STK32B: variants seen among roughly 807,000 people sequenced by gnomAD.
STK32B encodes the protein serine/threonine-protein kinase 32B.
STK32B carries 43 observed loss-of-function variants against 52.6 expected under a neutral mutation model. That is an observed-to-expected ratio of 0.82 (90% confidence interval 0.64 to 1.05). STK32B has a LOEUF of 1.05. Ranked by LOEUF, STK32B falls within the 50% of genes least tolerant of loss-of-function variation. The probability of loss-of-function intolerance (pLI) is 0.00; values close to 1 mark genes in which losing one functional copy is unlikely to be tolerated. For synonymous variants in STK32B, 238 were observed against 204.3 expected, an observed-to-expected ratio of 1.17 and a Z score of -1.41; for missense variants, 621 against 534.6, an observed-to-expected ratio of 1.16 and a Z score of -1.59.
At chr4:5,277,678 C>T (rs1727917899) in intron 3 of STK32B, among the ~76,000 whole-genome samples, 1 of 152,202 alleles carries the variant, frequency 6.6e-6, no homozygotes, top group Non-Finnish European at 1.5e-5. Flanking sequence ...TCATTTATAG[C>T]TGTGCAGTTC....
chr4:5,313,350 A>AT (rs927002920), intron 3 of STK32B, among the ~76,000 whole-genome samples: 1 of 152,058 alleles, frequency 6.6e-6, no homozygotes, highest in African/African-American at 2.4e-5. Flanking sequence ...AACATTCATG[A>AT]TAAAAACTCT....
intron 3 of STK32B, among the ~76,000 whole-genome samples, chr4:5,187,329 A>T (rs559220255): frequency 4.3e-4 from 66 of 152,276 alleles, no homozygotes; most frequent in African/African-American, 1.6e-3. Context: ...TAGTAAATTT[A>T]TCCCACACCT....
At chr4:5,345,369 T>C (rs1733384755) in intron 4 of STK32B, 1 of 152,032 alleles carries the variant, frequency 6.6e-6, no homozygotes, top group Non-Finnish European at 1.5e-5. Context: ...ACTCTGTCTT[T>C]AAATTCCTCG....
intron 2 of STK32B, among the ~76,000 whole-genome samples, chr4:5,158,457 C>A (rs1175892677): frequency 6.6e-6 from 1 of 152,172 alleles, no homozygotes; most frequent in Non-Finnish European, 1.5e-5. Flanking sequence ...GAGCTCCCCA[C>A]CCCGAAGGCA....
chr4:5,130,931 CA>C (rs1355446429), intron 1 of STK32B, among the ~76,000 whole-genome samples: 1 of 152,160 alleles, frequency 6.6e-6, no homozygotes, highest in Non-Finnish European at 1.5e-5. Flanking sequence ...TGTATATGCT[CA>C]GTGTCTTGTG....
chr4:5,389,855 A>C (rs1736489576), intron 4 of STK32B, among the ~76,000 whole-genome samples: 1 of 152,222 alleles, frequency 6.6e-6, no homozygotes, highest in African/African-American at 2.4e-5. Flanking sequence ...TGGATTATCC[A>C]GGTGGGCCCA....
chr4:5,495,003 T>A (rs1720092622), intron 11 of STK32B, among the ~76,000 whole-genome samples: 1 of 152,220 alleles, frequency 6.6e-6, no homozygotes, highest in Non-Finnish European at 1.5e-5. Flanking sequence ...CTGGCTGCCC[T>A]TAACATTTTT....
At chr4:5,152,576 C>T (rs1717458854) in intron 2 of STK32B, among the ~76,000 whole-genome samples, 1 of 152,264 alleles carries the variant, frequency 6.6e-6, no homozygotes, top group Non-Finnish European at 1.5e-5. Context: ...CTGGAGCCTA[C>T]TTCCATGGAG....
intron 3 of STK32B, among the ~76,000 whole-genome samples, chr4:5,171,903 T>C (rs1719403050): frequency 6.6e-6 from 1 of 151,436 alleles, no homozygotes. Flanking sequence ...TTGGGCAGTA[T>C]GGCCATTTTC....
chr4:5,454,846 G>A (rs193084848), intron 7 of STK32B, among the ~76,000 whole-genome samples: 17 of 152,088 alleles, frequency 1.1e-4, no homozygotes, highest in African/African-American at 2.7e-4. Flanking sequence ...GGTGAAGTGC[G>A]AAGGGATCTC....
intron 3 of STK32B, among the ~76,000 whole-genome samples, chr4:5,222,785 A>G (rs890063387): frequency 6.6e-6 from 1 of 152,244 alleles, no homozygotes; most frequent in Non-Finnish European, 1.5e-5. Context: ...AAAGATTTGG[A>G]AAATTCTCAG....
At chr4:5,267,667 G>A (rs968058357) in intron 3 of STK32B, among the ~76,000 whole-genome samples, 1 of 152,164 alleles carries the variant, frequency 6.6e-6, no homozygotes, top group African/African-American at 2.4e-5. Flanking sequence ...GGTTATGCAA[G>A]TCTCCTGATG....
At chr4:5,269,643 A>T (rs28751917) in intron 3 of STK32B, among the ~76,000 whole-genome samples, 10,502 of 152,286 alleles carry the variant, frequency 0.069, 436 homozygotes, top group East Asian at 0.12. Context: ...AAAAAGGCCT[A>T]AATCAAACTT....
rs1716969486 is a variant in STK32B at position 5,460,799 on chromosome 4, A to T, written c.909+571A>T. On this transcript the variant is annotated intron_variant, in intron 9 of 11. Transcript: ENST00000282908. The surrounding 1 kb of genome is among the most constrained non-coding windows in gnomAD (Gnocchi z 4.8). ...AGCCTGGGTTTCAAAGAACAATTTT[A>T]TAGCATTTAAGGGAATAAACCAGAG... Among the ~76,000 whole-genome samples, 1 of 152,192 alleles carries T rather than the reference A, an allele frequency of 6.6e-6. No homozygotes were observed. Among genetic ancestry groups the T allele is most frequent in the Non-Finnish European group, 1.5e-5 (1 of 68,036 alleles).
chr4:5,119,221 C>T (rs116191895), intron 1 of STK32B, among the ~76,000 whole-genome samples: 2,054 of 152,312 alleles, frequency 0.013, 54 homozygotes, highest in African/African-American at 0.045. Context: ...ATTCCCACAG[C>T]GTTTAGCATA....
chr4:5,308,039 G>A (rs1560302934), intron 3 of STK32B, among the ~76,000 whole-genome samples: 1 of 152,184 alleles, frequency 6.6e-6, no homozygotes, highest in Non-Finnish European at 1.5e-5. Context: ...GCAGGGGAGT[G>A]AAGTGGATTA....
intron 9 of STK32B, among the ~76,000 whole-genome samples, chr4:5,464,216 C>T (rs1252071202): frequency 6.6e-6 from 1 of 152,226 alleles, no homozygotes; most frequent in Non-Finnish European, 1.5e-5. Context: ...ATGAACCAAA[C>T]ACCTCCCACC....
chr4:5,064,816 A>G lies in STK32B; in HGVS notation c.52+12901A>G, dbSNP rs570709221. Among the ~76,000 whole-genome samples the G allele has an allele frequency of 4.4e-3, 618 of 140,028 alleles. 17 individuals carry two copies. Among genetic ancestry groups the G allele is most frequent in the African/African-American group, 0.015 (578 of 38,060 alleles). The allele number at this position is 140,028 out of a possible 152,430, so 91.9% of individuals were successfully genotyped here. On this transcript the variant is annotated intron_variant, in intron 1 of 11. Coordinates refer to ENST00000282908, the MANE Select transcript of STK32B (RefSeq NM_018401.3). ...ATATATACTTATGTTGTATACATAT[A>G]TAATATATAAATATATAATATATAA...
chr4:5,161,414 GTTC>G (rs1718435334), intron 2 of STK32B, among the ~76,000 whole-genome samples: 1 of 152,194 alleles, frequency 6.6e-6, no homozygotes, highest in Non-Finnish European at 1.5e-5. Context: ...ATGATAGGAG[GTTC>G]AGCATCTCTG....
Sources: allele counts gnomAD v4.1 joint callset (sites outside exome capture counted in the v4.1 genomes callset), GRCh38; gene constraint gnomAD v4.1.1; non-coding constraint Gnocchi (gnomAD v3.1); transcripts MANE v1.5; gene names NCBI Gene and HGNC (gene_info 2026-07-23, HGNC 2026-07-21).